The following ACACA variants were observed in gnomAD, a reference collection of about 807,000 sequenced individuals.
ACACA encodes the protein acetyl-CoA carboxylase alpha.
In ACACA, 103 loss-of-function variants were observed where a neutral mutation model predicts 296.1. That is an observed-to-expected ratio of 0.35 (90% CI 0.30 to 0.41). The LOEUF is 0.41. Among genes scored for constraint, ACACA ranks in the 10% least tolerant of loss-of-function variants. ACACA has a pLI of 1.00. For synonymous variants in ACACA, 953 were observed against 1,038.6 expected, an observed-to-expected ratio of 0.92 and a Z score of 1.58; for missense variants, 1,554 against 2,989.7, an observed-to-expected ratio of 0.52 and a Z score of 11.20.
chr17:37,370,969 G>GC (rs2049782625), intron 1 of ACACA, among the ~76,000 whole-genome samples: 1 of 146,462 alleles, frequency 6.8e-6, no homozygotes. Flanking sequence ...GGGCAACAGA[G>GC]CAAGACTCCA....
intron 50 of ACACA, among the ~76,000 whole-genome samples, chr17:37,118,956 G>T (rs1158818126): frequency 6.6e-6 from 1 of 152,154 alleles, no homozygotes; most frequent in East Asian, 1.9e-4. Flanking sequence ...TGGCACATTG[G>T]AAACTTTTGA....
In ACACA at chr17:37,406,283, A is replaced by T; in HGVS notation, c.17T>A (p.Leu6Gln). Reference sequence around the variant, plus strand: ...ATACCTAGCCCTCAAGATTGACATCAGAGTAGACCACCACATCCTCTCATC... The same window carrying T: ...ATACCTAGCCCTCAAGATTGACATCTGAGTAGACCACCACATCCTCTCATC... MWWST[L>Q]MSILRARSFW... Residue 6 changes from leucine (L) to glutamine (Q), a missense_variant, in exon 1 of 56, where the codon CTG becomes CAG. Around this residue, in one of 16 missense-constraint regions of ACACA, gnomAD observed 140 missense variants for 147.7 expected, o/e 0.95. Transcript: ENST00000616317. 1 of 1,614,210 alleles carries T rather than the reference A, an allele frequency of 6.2e-7. No individual in the cohort carries two copies.
At chr17:37,342,169 GAGATGAAGACGGGC>G (rs796159898) in intron 1 of ACACA, among the ~76,000 whole-genome samples, 26 of 151,876 alleles carry the variant, frequency 1.7e-4, no homozygotes, top group African/African-American at 6.3e-4. Flanking sequence ...AGCACTTTGG[GAGATGAAGACGGGC>G]AGATCACTTA....
At chr17:37,367,785 T>C (rs2049658204) in intron 1 of ACACA, 1 of 152,166 alleles carries the variant, frequency 6.6e-6, no homozygotes. Context: ...GAAATTGTGA[T>C]TGCTGGGCAC....
rs2072149610 is a variant in ACACA at position 37,085,646 on chromosome 17, G to GGGCTGA, written c.*1664_*1669dup. The GGGCTGA allele has an allele frequency of 2.5e-6, 1 of 398,936 alleles. No homozygotes were observed. Among genetic ancestry groups the GGGCTGA allele is most frequent in the South Asian group, 1.3e-4 (1 of 7,848 alleles). The allele number at this position is 398,936 out of a possible 1,614,324, so 24.7% of individuals were successfully genotyped here. On this transcript the variant is annotated 3_prime_UTR_variant, in exon 56 of 56. Coordinates refer to ENST00000616317, the MANE Select transcript of ACACA (RefSeq NM_198834.3). ...ACCTGTACCTTCCACCAGGGCAGCCGGGCTGAGGCTCTGACTCCTGGGGGC... is the reference window on the plus strand; with the variant it reads ...ACCTGTACCTTCCACCAGGGCAGCCGGGCTGAGGCTGAGGCTCTGACTCCTGGGGGC...
At chr17:37,325,013 G>A (rs544739233) in intron 3 of ACACA, among the ~76,000 whole-genome samples, 22 of 150,964 alleles carry the variant, frequency 1.5e-4, no homozygotes, top group East Asian at 3.9e-4. Context: ...CCTGCCTGAC[G>A]AACACGGTGA....
chr17:37,242,818 C>G (rs1004743785), intron 22 of ACACA, among the ~76,000 whole-genome samples: 1 of 152,178 alleles, frequency 6.6e-6, no homozygotes, highest in African/African-American at 2.4e-5. Context: ...GTGGGCGGAT[C>G]ACGAGGTCAG....
At chr17:37,120,788 T>C (rs1177261505) in intron 50 of ACACA, among the ~76,000 whole-genome samples, 2 of 152,216 alleles carry the variant, frequency 1.3e-5, no homozygotes, top group Admixed American at 1.3e-4. Flanking sequence ...TAAATGGTGA[T>C]ACTGGCTGCC....
intron 3 of ACACA, chr17:37,299,502 G>A: frequency 1.4e-6 from 2 of 1,460,412 alleles, no homozygotes; most frequent in South Asian, 2.9e-5. Context: ...TCAAACTATA[G>A]TCTTTTTGTC....
intron 1 of ACACA, among the ~76,000 whole-genome samples, chr17:37,361,964 T>C (rs1187996123): frequency 1.3e-5 from 2 of 152,180 alleles, no homozygotes; most frequent in African/African-American, 4.8e-5. Flanking sequence ...CCTCAGAATG[T>C]GAGTATATTT....
chr17:37,309,301 C>T (rs1029522643), intron 3 of ACACA, among the ~76,000 whole-genome samples: 22 of 152,152 alleles, frequency 1.4e-4, no homozygotes, highest in African/African-American at 5.1e-4. Flanking sequence ...GCTGGGATTA[C>T]AGGCATGAGC....
intron 1 of ACACA, among the ~76,000 whole-genome samples, chr17:37,363,179 CTTTTTTTTTTTTTT>C (rs902746004): frequency 1.4e-5 from 1 of 72,850 alleles, no homozygotes; most frequent in African/African-American, 6.7e-5. Context: ...TTCTCTTTTT[CTTTTTTTTTTTTTT>C]TTTTTTTTTG....
At chr17:37,174,682 G>C (rs950485496) in intron 41 of ACACA, among the ~76,000 whole-genome samples, 1 of 151,836 alleles carries the variant, frequency 6.6e-6, no homozygotes, top group African/African-American at 2.4e-5. Flanking sequence ...ACAGGCACCC[G>C]CCACCACGCC....
rs1280185365 is a variant in ACACA at position 37,260,191 on chromosome 17, G to C, written c.1330-661C>G. On this transcript the variant is annotated intron_variant, in intron 11 of 55. Coordinates refer to ENST00000616317, the MANE Select transcript of ACACA (RefSeq NM_198834.3). ...GCCACCATGCCTGGCCTGGTTAGTG[G>C]CTAAGTTTTGACAAACAGGACACCA... Among the ~76,000 whole-genome samples the C allele has an allele frequency of 3.1e-5, 4 of 128,652 alleles. No homozygotes were observed. The Admixed American group carries it at 3.2e-4, about 10-fold the overall frequency. 84.4% of individuals were successfully genotyped at this position (128,652 alleles called of 152,430 possible).
Position 37,192,101 on chromosome 17 carries a change from G to C in ACACA, c.4405C>G (p.Leu1469Val). The change falls in exon 37 of 56, where the codon CTG (leucine) becomes GTG (valine). Residue 1469 changes from leucine (L) to valine (V), a missense_variant. Coordinates refer to ENST00000616317, the MANE Select transcript of ACACA (RefSeq NM_198834.3). ...FVRAIIRHSD[L>V]VTKEASFEYL... ...AGTACAGCACCCACCTTGGTGACCA[G>C]ATCAGAATGCCTGATGATTGCACGA... The C allele has an allele frequency of 6.2e-7, 1 of 1,614,016 alleles. No homozygotes were observed. Among genetic ancestry groups the C allele is most frequent in the Non-Finnish European group, 8.5e-7 (1 of 1,179,988 alleles).
chr17:37,286,622 TCTCTAG>T (rs943111667), intron 3 of ACACA, among the ~76,000 whole-genome samples: 1 of 152,164 alleles, frequency 6.6e-6, no homozygotes, highest in Non-Finnish European at 1.5e-5. Context: ...TTAATTCCAG[TCTCTAG>T]CTTCTTTCAA....
At position 37,334,571 on chromosome 17, in the gene ACACA, T is replaced by G. The variant is rs1475691561; in HGVS notation, c.86-4146A>C. Among the ~76,000 whole-genome samples, 4 of 142,648 alleles carry G rather than the reference T, an allele frequency of 2.8e-5. No homozygotes were observed. In the South Asian group the frequency reaches 6.7e-4, roughly 24 times the overall value. The allele number at this position is 142,648 out of a possible 152,430, so 93.6% of individuals were successfully genotyped here. A position where few individuals can be genotyped will look rare whatever the true frequency, so the allele number is the denominator to read the frequency against. On this transcript the variant is annotated intron_variant, in intron 2 of 55. Transcript: ENST00000616317. ...ACTGCCAAAGGAACTCAAAAATCCA[T>G]GAGACAATGCTAGCTATTCCTGTGA...
At chr17:37,245,674 G>A (rs1033103374) in intron 19 of ACACA, among the ~76,000 whole-genome samples, 2 of 151,890 alleles carry the variant, frequency 1.3e-5, no homozygotes, top group African/African-American at 4.8e-5. Flanking sequence ...TTCGGTTTAC[G>A]CCTTCTTCAT....
Position 37,225,120 on chromosome 17 carries a change from A to G in ACACA, c.3361-15T>C, listed in dbSNP as rs2079482884. The G allele has an allele frequency of 6.9e-7, 1 of 1,446,790 alleles. No individual in the cohort carries two copies. Among genetic ancestry groups the G allele is most frequent in the Middle Eastern group, 1.7e-4 (1 of 5,720 alleles). 89.6% of individuals were successfully genotyped at this position (1,446,790 alleles called of 1,614,324 possible). On this transcript the variant is annotated splice_polypyrimidine_tract_variant and intron_variant, in intron 26 of 55. Transcript: ENST00000616317. The stretch of plus-strand genomic sequence containing the variant: ...GCAATAAGAACCTAGAGTGAGAACA[A>G]AATAGGAGGCACACATTCCTCGGAG...
Sources: allele counts gnomAD v4.1 joint callset (sites outside exome capture counted in the v4.1 genomes callset), GRCh38; gene constraint gnomAD v4.1.1; regional missense constraint gnomAD v4.1.1; transcripts MANE v1.5; gene names NCBI Gene and HGNC (gene_info 2026-07-23, HGNC 2026-07-21).